The following GHR variants were observed in gnomAD, a reference collection of about 807,000 sequenced individuals.
The protein encoded by GHR is growth hormone receptor.
In GHR, 35 loss-of-function variants were observed where a neutral mutation model predicts 67.1. That is an observed-to-expected ratio of 0.52 (90% CI 0.40 to 0.69). GHR has a LOEUF of 0.69. GHR is among the 30% of genes least tolerant of loss of function. The pLI is 0.00. For missense variants in GHR, 792 were observed against 764.6 expected (o/e 1.04, Z -0.42); for synonymous variants, 272 against 269.1 (o/e 1.01, Z -0.10).
intron 1 of GHR, chr5:42,548,426 T>C: frequency 1.0e-6 from 1 of 984,734 alleles, no homozygotes; most frequent in African/African-American, 1.7e-5. Flanking sequence ...TGCTTGCATA[T>C]ATGAGTGAAA....
At chr5:42,445,887 C>T (rs1743787107) in intron 1 of GHR, among the ~76,000 whole-genome samples, 4 of 152,074 alleles carry the variant, frequency 2.6e-5, no homozygotes, top group Admixed American at 2.6e-4. Context: ...AATAACTGTC[C>T]AGTAGCTGGA....
chr5:42,678,425 AG>A (rs1433772850), intron 3 of GHR, among the ~76,000 whole-genome samples: 1 of 152,226 alleles, frequency 6.6e-6, no homozygotes, highest in African/African-American at 2.4e-5. Flanking sequence ...TACTTAGTGT[AG>A]GGGTAAAAGG....
intron 3 of GHR, among the ~76,000 whole-genome samples, chr5:42,687,634 G>A (rs1757224155): frequency 6.6e-6 from 1 of 152,152 alleles, no homozygotes; most frequent in African/African-American, 2.4e-5. Context: ...GAGGAAAAAA[G>A]AAGCCTGTTT....
intron 1 of GHR, among the ~76,000 whole-genome samples, chr5:42,512,737 T>G (rs1747072019): frequency 6.6e-6 from 1 of 152,182 alleles, no homozygotes; most frequent in East Asian, 1.9e-4. Context: ...GGCTGCCTAT[T>G]GAAAACTAAC....
At chr5:42,677,492 A>G (rs1430268550) in intron 3 of GHR, among the ~76,000 whole-genome samples, 1 of 152,164 alleles carries the variant, frequency 6.6e-6, no homozygotes, top group Non-Finnish European at 1.5e-5. Flanking sequence ...ATAATATAGC[A>G]ACATCTCCTA....
intron 1 of GHR, among the ~76,000 whole-genome samples, chr5:42,448,328 C>A (rs1743901542): frequency 6.6e-6 from 1 of 151,936 alleles, no homozygotes; most frequent in Admixed American, 6.6e-5. Context: ...TTTTAATTTG[C>A]ATTTTCCTGA....
At position 42,454,368 on chromosome 5, in the gene GHR, T is replaced by C. The variant is rs368590797; in HGVS notation, c.-12+30413T>C. Among the ~76,000 whole-genome samples the C allele has an allele frequency of 3.9e-5, 6 of 152,328 alleles. No homozygotes were observed. The South Asian group carries it at 6.2e-4, about 16-fold the overall frequency. On this transcript the variant is annotated intron_variant, in intron 1 of 9. Transcript: ENST00000230882. ...AGTGATATTAGCTGTTGTTTTCTCC[T>C]TCCTGGGAGCAATATTATTGTCATG...
intron 2 of GHR, among the ~76,000 whole-genome samples, chr5:42,571,205 T>C (rs1464363901): frequency 6.6e-6 from 1 of 152,246 alleles, no homozygotes; most frequent in Non-Finnish European, 1.5e-5. Context: ...GGAAACATGC[T>C]GAGGCTGGAT....
intron 1 of GHR, among the ~76,000 whole-genome samples, chr5:42,552,770 T>G (rs1327641178): frequency 6.6e-6 from 1 of 152,144 alleles, no homozygotes; most frequent in Non-Finnish European, 1.5e-5. Flanking sequence ...GGAGTTGGAA[T>G]AGAGGGAACT....
intron 3 of GHR, among the ~76,000 whole-genome samples, chr5:42,635,183 G>A (rs894110290): frequency 1.3e-5 from 2 of 152,158 alleles, no homozygotes; most frequent in Admixed American, 1.3e-4. Context: ...CAGTGTTTAT[G>A]TTGGCTCTCT....
At chr5:42,485,757 A>G (rs543171994) in intron 1 of GHR, among the ~76,000 whole-genome samples, 2 of 152,330 alleles carry the variant, frequency 1.3e-5, no homozygotes, top group African/African-American at 2.4e-5. Context: ...ACATAGATTC[A>G]TTATTACTGT....
chr5:42,560,819 A>G (rs1749564004), intron 1 of GHR, among the ~76,000 whole-genome samples: 2 of 152,198 alleles, frequency 1.3e-5, no homozygotes, highest in Non-Finnish European at 1.5e-5. Flanking sequence ...ATACTCAGTT[A>G]TTTGTGATAG....
intron 6 of GHR, among the ~76,000 whole-genome samples, chr5:42,705,105 A>G (rs1358075701): frequency 6.6e-6 from 1 of 151,954 alleles, no homozygotes; most frequent in Non-Finnish European, 1.5e-5. Flanking sequence ...AATACATCAC[A>G]TTACTAGAAC....
chr5:42,509,831 G>T (rs1039740069), intron 1 of GHR, among the ~76,000 whole-genome samples: 1 of 151,270 alleles, frequency 6.6e-6, no homozygotes, highest in African/African-American at 2.4e-5. Flanking sequence ...CACAAGCTTT[G>T]TAAGTATTTG....
In GHR at chr5:42,529,303, G is replaced by A. The variant is rs191716657; in HGVS notation, c.-11-36561G>A. ...TGGTATTACAGGTGTGAGCCACCGC[G>A]CCTGGCCAGACATAACTTTTATATA... On this transcript the variant is annotated intron_variant, in intron 1 of 9. Coordinates refer to ENST00000230882, the MANE Select transcript of GHR (RefSeq NM_000163.5). Among the ~76,000 whole-genome samples the A allele has an allele frequency of 3.0e-4, 45 of 152,180 alleles. 1 individual carries two copies. Among genetic ancestry groups the A allele is most frequent in the Admixed American group, 7.9e-4 (12 of 15,278 alleles).
At chr5:42,634,004 C>T (rs1251693818) in intron 3 of GHR, among the ~76,000 whole-genome samples, 1 of 152,110 alleles carries the variant, frequency 6.6e-6, no homozygotes. Flanking sequence ...TTTCCTCTCT[C>T]GCAAGGAGAG....
intron 1 of GHR, among the ~76,000 whole-genome samples, chr5:42,473,254 A>G (rs1159687472): frequency 6.6e-6 from 1 of 151,964 alleles, no homozygotes; most frequent in Non-Finnish European, 1.5e-5. Flanking sequence ...CACCCTGTCA[A>G]CCAGAGCTTT....
chr5:42,574,048 C>T (rs1750491223), intron 2 of GHR, among the ~76,000 whole-genome samples: 1 of 152,138 alleles, frequency 6.6e-6, no homozygotes, highest in South Asian at 2.1e-4. Flanking sequence ...CAGGGGAGGA[C>T]CATTTTGTGT....
intron 3 of GHR, among the ~76,000 whole-genome samples, chr5:42,679,159 T>C (rs1053834323): frequency 1.6e-4 from 23 of 145,756 alleles, no homozygotes; most frequent in African/African-American, 5.0e-4. Flanking sequence ...GTATATTATA[T>C]ATTAATTAAT....
Sources: gnomAD v4.1 joint callset for allele counts (sites outside exome capture counted in the v4.1 genomes callset) on GRCh38, gnomAD v4.1.1 for gene constraint, MANE v1.5 for transcripts, NCBI Gene and HGNC (gene_info 2026-07-23, HGNC 2026-07-21) for gene names.